MLXIPL: variants seen among roughly 807,000 people sequenced by gnomAD.
The protein encoded by MLXIPL is MLX interacting protein like, also known as carbohydrate-responsive element-binding protein.
MLXIPL carries 49 observed loss-of-function variants against 81.5 expected under a neutral mutation model. That is an observed-to-expected ratio of 0.60 (90% CI 0.48 to 0.76). The LOEUF (loss-of-function observed/expected upper bound fraction) is 0.76. MLXIPL is among the 30% of genes least tolerant of loss of function. MLXIPL has a pLI of 0.00. For synonymous variants in MLXIPL, 466 were observed against 485.5 expected (o/e 0.96, Z 0.53); for missense variants, 1,053 against 1,167.0 (o/e 0.90, Z 1.42).
chr7:73,639,505 GT>G, the MLXIPL span, among the ~76,000 whole-genome samples: 3 of 152,166 alleles, frequency 2.0e-5, no homozygotes, highest in Admixed American at 6.6e-5. Flanking sequence ...ATAGCTGGAT[GT>G]GGTGGCTTGA....
At chr7:73,617,542 G>A (rs1209414358) in intron 1 of MLXIPL, among the ~76,000 whole-genome samples, 2 of 152,000 alleles carry the variant, frequency 1.3e-5, no homozygotes, top group Admixed American at 6.6e-5. Context: ...AACCCTAGCT[G>A]TCCATCAAAT....
Position 73,596,191 on chromosome 7 carries a change from C to T in MLXIPL, c.2020G>A (p.Gly674Arg), listed in dbSNP as rs1390783546. The T allele has an allele frequency of 6.2e-7, 1 of 1,613,468 alleles. No individual in the cohort carries two copies. Among genetic ancestry groups the T allele is most frequent in the Non-Finnish European group, 8.5e-7 (1 of 1,179,976 alleles). The change falls in exon 13 of 17, where the codon GGG (glycine) becomes AGG (arginine). Residue 674 changes from glycine (G) to arginine (R), a missense_variant. This residue lies in a region of MLXIPL where 823 missense variants were observed against 933.0 expected (regional missense o/e 0.88). Coordinates refer to ENST00000313375, the MANE Select transcript of MLXIPL (RefSeq NM_032951.3). The surrounding 1 kb of genome is among the most constrained non-coding windows in gnomAD (Gnocchi z 4.7). ...TGGGCACTGAGTGTGCTCACGAGCC[C>T]ATGAAGGGTGTCAAACCCCAGCTTG... is the stretch of plus-strand genomic sequence containing the variant. ...NIKLGFDTLH[G>R]LVSTLSAQPS...
intron 2 of MLXIPL, chr7:73,611,645 A>G (rs13234131): frequency 0.095 from 14,518 of 152,080 alleles, 823 homozygotes; most frequent in Non-Finnish European, 0.13. Context: ...GTGAGACCCC[A>G]TCTCTACTAA....
intron 1 of MLXIPL, among the ~76,000 whole-genome samples, chr7:73,619,532 A>C (rs752049290): frequency 2.0e-5 from 3 of 151,138 alleles, no homozygotes; most frequent in Non-Finnish European, 2.9e-5. Context: ...AGGAGGCTGC[A>C]GTGGGAAGAT....
At chr7:73,633,909 C>CG in the MLXIPL span, among the ~76,000 whole-genome samples, 1 of 152,224 alleles carries the variant, frequency 6.6e-6, no homozygotes, top group East Asian at 1.9e-4. Flanking sequence ...CATCTAGGTG[C>CG]GGGGACGAGG....
chr7:73,624,139 C>G, intron 1 of MLXIPL, 61 bp downstream of exon 1: 8 of 1,398,716 alleles, frequency 5.7e-6, no homozygotes, highest in Non-Finnish European at 7.7e-6. Context: ...AGTCCTGCCC[C>G]GGACCCCCCC....
chr7:73,631,299 G>A, the MLXIPL span, among the ~76,000 whole-genome samples: 1 of 152,040 alleles, frequency 6.6e-6, no homozygotes, highest in Admixed American at 6.6e-5. Flanking sequence ...ACAGGTGTGA[G>A]CCACCGCACC....
At position 73,606,002 on chromosome 7, in the gene MLXIPL, A is replaced by G. The variant is rs782195331; in HGVS notation, c.728T>C (p.Leu243Pro). 4 of 1,588,202 alleles carry G rather than the reference A, an allele frequency of 2.5e-6. No individual in the cohort carries two copies. The highest frequency in any genetic ancestry group is 3.4e-6 in the Non-Finnish European group (4 of 1,167,086). The change falls in exon 6 of 17, where the codon CTG (leucine) becomes CCG (proline). Residue 243 changes from leucine (L) to proline (P), a missense_variant. Transcript: ENST00000313375. Reference protein sequence around the residue: ...PEEEPGGRQLLDLNCFLSDIS... With the variant: ...PEEEPGGRQLPDLNCFLSDIS... ...GTCGGACAAAAAGCAATTGAGGTCC[A>G]GGAGCTGCCGCCCACCCGGCTCCTC...
chr7:73,597,199 G>A lies in MLXIPL; in HGVS notation c.1586C>T (p.Thr529Ile). The A allele has an allele frequency of 6.2e-7, 1 of 1,605,306 alleles. No individual in the cohort carries two copies. Among genetic ancestry groups the A allele is most frequent in the Non-Finnish European group, 8.5e-7 (1 of 1,178,230 alleles). Reference protein sequence around the residue: ...TTAGSNNPCLTQLLTAAKPEQ... With the variant: ...TTAGSNNPCLIQLLTAAKPEQ... ...GCCCTCACCTGCTGTGAGCAGCTGT[G>A]TGAGGCAGGGGTTGTTGCTCCCCGC... Residue 529 changes from threonine to isoleucine, a missense_variant, in exon 9 of 17, where the codon ACA (threonine) becomes ATA (isoleucine). Around this residue, in one of 3 missense-constraint regions of MLXIPL, gnomAD observed 823 missense variants for 933.0 expected, o/e 0.88. Transcript: ENST00000313375.
At chr7:73,599,271 C>T (rs1794593641) in intron 8 of MLXIPL, among the ~76,000 whole-genome samples, 1 of 151,734 alleles carries the variant, frequency 6.6e-6, no homozygotes, top group Admixed American at 6.6e-5. Context: ...CTCCAGGAAG[C>T]CTTCCACAAG....
In MLXIPL at chr7:73,616,072, C is replaced by T. The variant is rs782387632; in HGVS notation, c.399G>A (p.Gln133=). 6.2e-7 allele frequency: 1 copy of T among 1,613,462 alleles called. No individual in the cohort carries two copies. The highest frequency in any genetic ancestry group is 1.7e-5 in the Admixed American group (1 of 59,996). Residue 133 remains glutamine (Q), a splice_region_variant and synonymous_variant, in exon 2 of 17, where the codon CAG becomes CAA. Transcript: ENST00000313375. ...NNAIWRAWYI[Q]YVKRRKSPVC... ...GGGAGGCTGGTGGTAGCCACTCACA[C>T]TGGATATACCAGGCCCTCCAGATGG...
intron 1 of MLXIPL, among the ~76,000 whole-genome samples, chr7:73,618,902 G>A (rs782301699): frequency 4.6e-5 from 7 of 152,108 alleles, no homozygotes; most frequent in African/African-American, 7.2e-5. Flanking sequence ...AGGTTATGAC[G>A]TTCATGGCCC....
rs781901662 is a variant in MLXIPL at position 73,596,905 on chromosome 7, G to A, written c.1631C>T (p.Pro544Leu). 6 of 1,610,680 alleles carry A rather than the reference G, an allele frequency of 3.7e-6. No individual in the cohort carries two copies. ...CCGGAGGAGGGTGCTGGATACAAGTGGTGGCTCCAGGGCTTGCTCCGGCTT... is the reference window on the plus strand; with the variant it reads ...CCGGAGGAGGGTGCTGGATACAAGTAGTGGCTCCAGGGCTTGCTCCGGCTT... ...AAKPEQALEP[P>L]LVSSTLLRSP... Residue 544 changes from proline to leucine, a missense_variant, in exon 10 of 17, where the codon CCA becomes CTA. Physicochemically the swap from Pro to Leu is moderately conservative, Grantham distance 98. This residue lies in a region of MLXIPL where 823 missense variants were observed against 933.0 expected (regional missense o/e 0.88). Coordinates refer to ENST00000313375, the MANE Select transcript of MLXIPL (RefSeq NM_032951.3). The surrounding 1 kb of genome is among the most constrained non-coding windows in gnomAD (Gnocchi z 4.7).
chr7:73,603,120 G>A (rs1287653510), intron 7 of MLXIPL, among the ~76,000 whole-genome samples: 7 of 152,032 alleles, frequency 4.6e-5, no homozygotes, highest in African/African-American at 1.2e-4. Context: ...TGCCTCCATA[G>A]AGTTCTGGTC....
chr7:73,636,937 G>T, the MLXIPL span, among the ~76,000 whole-genome samples: 7 of 151,972 alleles, frequency 4.6e-5, no homozygotes, highest in African/African-American at 1.7e-4. Context: ...GCGGATGCCT[G>T]TAATCCCAGC....
rs782168073 is a variant in MLXIPL at position 73,616,099 on chromosome 7, G to A, written c.372C>T (p.Asn124=). Reference sequence around the variant, plus strand: ...GGATATACCAGGCCCTCCAGATGGCGTTGTTCAGGCGGATCTTGTCTCTGC... The same window carrying A: ...GGATATACCAGGCCCTCCAGATGGCATTGTTCAGGCGGATCTTGTCTCTGC... ...LLCRDKIRLN[N]AIWRAWYIQY... The change falls in exon 2 of 17, where the codon AAC becomes AAT. Residue 124 remains asparagine (N), a synonymous_variant. Transcript: ENST00000313375. 1.1e-5 allele frequency: 17 copies of A among 1,613,892 alleles called. No individual in the cohort carries two copies. The highest frequency in any genetic ancestry group is 8.0e-5 in the African/African-American group (6 of 74,888).
At chr7:73,630,851 C>G in the MLXIPL span, among the ~76,000 whole-genome samples, 5 of 152,180 alleles carry the variant, frequency 3.3e-5, no homozygotes, top group African/African-American at 1.2e-4. Context: ...TTGAGCATCT[C>G]CCACCTTAGT....
In MLXIPL at chr7:73,593,547, C is replaced by A. The variant is rs1043966278; in HGVS notation, c.*318G>T. 1 of 354,474 alleles carries A rather than the reference C, an allele frequency of 2.8e-6. No homozygotes were observed. Among genetic ancestry groups the A allele is most frequent in the African/African-American group, 2.1e-5 (1 of 47,374 alleles). The allele number at this position is 354,474 out of a possible 1,614,324, so 22.0% of individuals were successfully genotyped here. On this transcript the variant is annotated 3_prime_UTR_variant, in exon 17 of 17. Transcript: ENST00000313375. ...GCCTAGGCCCCCAATGTCACAGCTG[C>A]CAAGGCCTGGGGGTCATCTGCTGAT...
At chr7:73,642,958 G>T in the MLXIPL span, among the ~76,000 whole-genome samples, 1 of 152,128 alleles carries the variant, frequency 6.6e-6, no homozygotes, top group Non-Finnish European at 1.5e-5. Context: ...AACTCTCTAG[G>T]GGCCTCCAGC....
Sources: gnomAD v4.1 joint callset for allele counts (sites outside exome capture counted in the v4.1 genomes callset) on GRCh38, gnomAD v4.1.1 for gene constraint, gnomAD v4.1.1 regional missense constraint, Gnocchi (gnomAD v3.1) non-coding constraint, MANE v1.5 for transcripts, NCBI Gene and HGNC (gene_info 2026-07-23, HGNC 2026-07-21) for gene names.